The following FXYD6 variants were observed in gnomAD, a reference collection of about 807,000 sequenced individuals.
FXYD6 encodes the protein FXYD domain-containing ion transport regulator 6.
A neutral mutation model predicts 16.7 loss-of-function variants in FXYD6; 7 were observed. The ratio of observed to expected loss-of-function variants is 0.42; its 90% CI spans 0.24 to 0.79. FXYD6 has a LOEUF of 0.79. Ranked by LOEUF, FXYD6 falls within the 30% of genes least tolerant of loss-of-function variation. The probability of loss-of-function intolerance (pLI) is 0.28; values close to 1 mark genes in which losing one functional copy is unlikely to be tolerated. For missense variants in FXYD6, 111 were observed against 116.2 expected (o/e 0.95, Z 0.21); for synonymous variants, 49 against 43.0 (o/e 1.14, Z -0.54).
At chr11:117,868,639 TAA>T (rs751173154) in intron 1 of FXYD6, among the ~76,000 whole-genome samples, 6 of 152,160 alleles carry the variant, frequency 3.9e-5, no homozygotes, top group Non-Finnish European at 7.4e-5. Context: ...GACATTTTAA[TAA>T]AGTGTCAATG....
At chr11:117,866,924 G>A (rs554778387) in intron 1 of FXYD6, among the ~76,000 whole-genome samples, 25 of 152,100 alleles carry the variant, frequency 1.6e-4, no homozygotes, top group Non-Finnish European at 3.1e-4. Context: ...GTGTAGAATC[G>A]AAATAAAGGC....
Position 117,838,154 on chromosome 11 carries a change from T to C in FXYD6, c.*145A>G. On this transcript the variant is annotated 3_prime_UTR_variant, in exon 8 of 8. Transcript: ENST00000526014. ...GGTGGAGGAATGGTGTTAGAGGGGA[T>C]AGGGTGGGGGACACACAAGTTCTTG... The C allele has an allele frequency of 1.4e-6, 1 of 700,882 alleles. No individual in the cohort carries two copies. The allele number at this position is 700,882 out of a possible 1,614,324, so 43.4% of individuals were successfully genotyped here.
chr11:117,841,229 C>T, intron 4 of FXYD6, 45 bp from the exon 5 acceptor site: 1 of 1,613,710 alleles, frequency 6.2e-7, no homozygotes, highest in Non-Finnish European at 8.5e-7. Flanking sequence ...CTGGCTTGGC[C>T]ACAGCAGGGC....
At chr11:117,871,242 A>T (rs1736987586) in intron 1 of FXYD6, among the ~76,000 whole-genome samples, 1 of 152,178 alleles carries the variant, frequency 6.6e-6, no homozygotes, top group Non-Finnish European at 1.5e-5. Context: ...ACGGTAATAA[A>T]GGGATGTGCA....
At chr11:117,842,973 G>C (rs1002177263) in intron 1 of FXYD6, among the ~76,000 whole-genome samples, 192 bp from the exon 2 acceptor site, 1 of 150,838 alleles carries the variant, frequency 6.6e-6, no homozygotes, top group Non-Finnish European at 1.5e-5. Context: ...TCGCTATCTT[G>C]CCCAGGCTAG....
intron 2 of FXYD6, 51 bp downstream of exon 2, chr11:117,842,668 G>T (rs1162489224): frequency 3.3e-6 from 5 of 1,537,614 alleles, no homozygotes; most frequent in Admixed American, 2.0e-5. Context: ...AGCAGAGAGG[G>T]CTGGACAGGG....
intron 1 of FXYD6, among the ~76,000 whole-genome samples, chr11:117,873,506 C>T (rs2057184131): frequency 6.6e-6 from 1 of 152,220 alleles, no homozygotes; most frequent in Non-Finnish European, 1.5e-5. Context: ...ATTTGCCTTT[C>T]GGTAGCACGG....
chr11:117,854,056 C>G (rs952666965), intron 1 of FXYD6, among the ~76,000 whole-genome samples: 1 of 152,238 alleles, frequency 6.6e-6, no homozygotes, highest in African/African-American at 2.4e-5. Flanking sequence ...CTCCCTCCCT[C>G]TCTCCTTCTC....
Position 117,871,942 on chromosome 11 carries a change from T to C in FXYD6, c.-6+4650A>G, listed in dbSNP as rs150642954. ...TGAGCTCAGGCAGAGGGTGAGACAG[T>C]ACCAGGCTTCGGATGACCATCTGGA... On this transcript the variant is annotated intron_variant, in intron 1 of 7. Transcript: ENST00000526014. Among the ~76,000 whole-genome samples the C allele has an allele frequency of 1.5e-4, 23 of 152,290 alleles. No individual in the cohort carries two copies. In the East Asian group the frequency reaches 4.4e-3, roughly 29 times the overall value.
In FXYD6 at chr11:117,847,619, T is replaced by G. The variant is rs1473254779; in HGVS notation, c.-5-4838A>C. ...ATGAGTGAGAACATGCGGTGTTTGG[T>G]TTTTTTGTCCTTATGATAGTTTTCT... On this transcript the variant is annotated intron_variant, in intron 1 of 7. Coordinates refer to ENST00000526014, the MANE Select transcript of FXYD6 (RefSeq NM_022003.4). 2.0e-5 allele frequency among the ~76,000 whole-genome samples: 3 copies of G among 150,790 alleles called. No individual in the cohort carries two copies. In the South Asian group the frequency reaches 6.3e-4, roughly 32 times the overall value.
intron 1 of FXYD6, among the ~76,000 whole-genome samples, chr11:117,867,174 C>T (rs529422006): frequency 1.3e-5 from 2 of 152,232 alleles, no homozygotes; most frequent in Admixed American, 6.5e-5. Flanking sequence ...ACAATGGCAC[C>T]CTTATCCTTC....
chr11:117,858,687 C>CT (rs1565323544), intron 1 of FXYD6, among the ~76,000 whole-genome samples: 2 of 90,350 alleles, frequency 2.2e-5, no homozygotes, highest in African/African-American at 9.4e-5. Flanking sequence ...TTCTTTCTTT[C>CT]TTTCTTTCTT....
chr11:117,839,860 G>T (rs748640870), intron 6 of FXYD6, 30 bp from the exon 7 acceptor site: 1 of 1,614,092 alleles, frequency 6.2e-7, no homozygotes, highest in South Asian at 1.1e-5. Context: ...GGATTATAGT[G>T]TATAGACTCC....
intron 1 of FXYD6, among the ~76,000 whole-genome samples, chr11:117,858,824 AGT>A (rs1235496207): frequency 7.0e-6 from 1 of 141,924 alleles, no homozygotes; most frequent in Non-Finnish European, 1.5e-5. Flanking sequence ...ACCAGGCTGG[AGT>A]GTGCAGTGGT....
At chr11:117,857,028 C>G (rs1294396055) in intron 1 of FXYD6, among the ~76,000 whole-genome samples, 2 of 152,132 alleles carry the variant, frequency 1.3e-5, no homozygotes, top group East Asian at 3.9e-4. Context: ...AGGGGGGTAG[C>G]CTGGCTGGAG....
At chr11:117,864,909 T>C (rs2134195682) in intron 1 of FXYD6, among the ~76,000 whole-genome samples, 1 of 152,114 alleles carries the variant, frequency 6.6e-6, no homozygotes, top group Non-Finnish European at 1.5e-5. Context: ...TATAAAAATG[T>C]AAAAATGTGC....
At position 117,837,191 on chromosome 11, in the gene FXYD6, TCCAAC is replaced by T. The variant is rs1431238759; in HGVS notation, c.*1103_*1107del. The T allele has an allele frequency of 6.6e-6, 1 of 152,102 alleles. No homozygotes were observed. Among genetic ancestry groups the T allele is most frequent in the Non-Finnish European group, 1.5e-5 (1 of 68,022 alleles). The allele number at this position is 152,102 out of a possible 1,614,324, so 9.4% of individuals were successfully genotyped here. ...AGGGCTGCACGGAGCCTGCTGAGTC[TCCAAC>T]CCACCTCGCTCACCGCTCTGACCAC... On this transcript the variant is annotated 3_prime_UTR_variant, in exon 8 of 8. Transcript: ENST00000526014. The surrounding 1 kb of genome is among the most constrained non-coding windows in gnomAD (Gnocchi z 4.4).
chr11:117,868,803 T>C (rs914513691), intron 1 of FXYD6: 3 of 152,214 alleles, frequency 2.0e-5, no homozygotes, highest in African/African-American at 7.2e-5. Context: ...CTAACTGTTC[T>C]AAAAAGATAG....
Position 117,872,676 on chromosome 11 carries a change from G to A in FXYD6, c.-6+3916C>T, listed in dbSNP as rs946063309. 6.6e-6 allele frequency among the ~76,000 whole-genome samples: 1 copy of A among 152,160 alleles called. No homozygotes were observed. Among genetic ancestry groups the A allele is most frequent in the African/African-American group, 2.4e-5 (1 of 41,430 alleles). On this transcript the variant is annotated intron_variant, in intron 1 of 7. Coordinates refer to ENST00000526014, the MANE Select transcript of FXYD6 (RefSeq NM_022003.4). The surrounding 1 kb of genome is among the most constrained non-coding windows in gnomAD (Gnocchi z 4.9). The stretch of plus-strand genomic sequence containing the variant: ...GCCCCATTCCCATGGCCCCAGCCTG[G>A]TCCGTGGGGGCCCAGCCCCTTTCCC...
Sources: allele counts gnomAD v4.1 joint callset (sites outside exome capture counted in the v4.1 genomes callset), GRCh38; gene constraint gnomAD v4.1.1; non-coding constraint Gnocchi (gnomAD v3.1); transcripts MANE v1.5; gene names NCBI Gene and HGNC (gene_info 2026-07-23, HGNC 2026-07-21).